The following ICA1 variants were observed in gnomAD, a reference collection of about 807,000 sequenced individuals.
ICA1 encodes the protein 69 kDa islet cell autoantigen.
ICA1 carries 40 observed loss-of-function variants against 71.0 expected under a neutral mutation model. The ratio of observed to expected loss-of-function variants is 0.56; its 90% CI spans 0.44 to 0.73. ICA1 has a LOEUF of 0.73. Among genes scored for constraint, ICA1 ranks in the 30% least tolerant of loss-of-function variants. The probability of loss-of-function intolerance (pLI) is 0.00; values close to 1 mark genes in which losing one functional copy is unlikely to be tolerated. For missense variants in ICA1, 578 were observed against 576.5 expected, an observed-to-expected ratio of 1.00 and a Z score of -0.03; for synonymous variants, 207 against 209.5, an observed-to-expected ratio of 0.99 and a Z score of 0.10.
At chr7:8,165,355 G>T (rs1390772406) in intron 6 of ICA1, among the ~76,000 whole-genome samples, 1 of 152,230 alleles carries the variant, frequency 6.6e-6, no homozygotes, top group Non-Finnish European at 1.5e-5. Flanking sequence ...ACACATGTGT[G>T]TGGGCAGCCA....
chr7:8,199,443 G>A (rs1190644573), intron 6 of ICA1, among the ~76,000 whole-genome samples: 1 of 152,212 alleles, frequency 6.6e-6, no homozygotes, highest in Non-Finnish European at 1.5e-5. Flanking sequence ...AGGCATGGTG[G>A]CTCACGCCTG....
intron 6 of ICA1, among the ~76,000 whole-genome samples, chr7:8,195,993 ACAACAACAC>A (rs1201422335): frequency 9.0e-5 from 11 of 122,572 alleles, no homozygotes; most frequent in East Asian, 7.3e-4. Flanking sequence ...AACAACAACA[ACAACAACAC>A]CAACACCAAC....
chr7:8,227,771 G>C (rs768487295), intron 4 of ICA1: 5 of 419,068 alleles, frequency 1.2e-5, no homozygotes, highest in Non-Finnish European at 2.4e-5. Context: ...TTTTTGTAGA[G>C]ATGGGGGTCT....
chr7:8,155,764 T>TTTACC (rs1314965772), intron 8 of ICA1, among the ~76,000 whole-genome samples: 1 of 152,140 alleles, frequency 6.6e-6, no homozygotes, highest in Admixed American at 6.5e-5. Flanking sequence ...TAGTGTGCAT[T>TTTACC]ATACTTTTAA....
chr7:8,176,191 G>A (rs1780578730), intron 6 of ICA1, among the ~76,000 whole-genome samples: 1 of 152,178 alleles, frequency 6.6e-6, no homozygotes, highest in Admixed American at 6.5e-5. Context: ...TAGTCCAGAG[G>A]TCTCCTTTCC....
At chr7:8,205,518 T>C (rs1293792171) in intron 6 of ICA1, among the ~76,000 whole-genome samples, 1 of 152,202 alleles carries the variant, frequency 6.6e-6, no homozygotes, top group African/African-American at 2.4e-5. Context: ...AGAATCTGCA[T>C]GTGTTTCCAT....
intron 3 of ICA1, among the ~76,000 whole-genome samples, chr7:8,230,686 G>T (rs73675121): frequency 6.6e-6 from 1 of 152,024 alleles, no homozygotes; most frequent in South Asian, 2.1e-4. Context: ...AAAATACTAT[G>T]AGATATAAAA....
At chr7:8,172,148 TTC>T (rs1390758338) in intron 6 of ICA1, among the ~76,000 whole-genome samples, 2 of 152,052 alleles carry the variant, frequency 1.3e-5, no homozygotes, top group African/African-American at 4.8e-5. Flanking sequence ...CCTTATTGAT[TTC>T]TGTCTATTTC....
At chr7:8,151,927 G>A in intron 8 of ICA1, among the ~76,000 whole-genome samples, 1 of 152,328 alleles carries the variant, frequency 6.6e-6, no homozygotes, top group East Asian at 1.9e-4. Flanking sequence ...CATGTTCAGA[G>A]TTACGTTTTC....
Position 8,223,016 on chromosome 7 carries a change from T to C in ICA1, c.257-1618A>G, listed in dbSNP as rs915213061. Among the ~76,000 whole-genome samples, 3 of 152,256 alleles carry C rather than the reference T, an allele frequency of 2.0e-5. No individual in the cohort carries two copies. The highest frequency in any genetic ancestry group is 4.4e-5 in the Non-Finnish European group (3 of 68,046). On this transcript the variant is annotated intron_variant, in intron 4 of 13. Coordinates refer to ENST00000402384, the MANE Select transcript of ICA1 (RefSeq NM_001136020.3). The surrounding 1 kb of genome is among the most constrained non-coding windows in gnomAD (Gnocchi z 4.1). ...CTACAATTTTGCCTTGTTATCCTCATACACTTTATTTCAGTTGAAATACTT... is the reference window on the plus strand; with the variant it reads ...CTACAATTTTGCCTTGTTATCCTCACACACTTTATTTCAGTTGAAATACTT...
At chr7:8,178,441 T>C (rs1781242571) in intron 6 of ICA1, among the ~76,000 whole-genome samples, 1 of 152,222 alleles carries the variant, frequency 6.6e-6, no homozygotes. Context: ...GCCCCAGTAC[T>C]GATAGTAGGT....
intron 6 of ICA1, among the ~76,000 whole-genome samples, chr7:8,190,165 C>T (rs1562924197): frequency 6.6e-6 from 1 of 151,348 alleles, no homozygotes; most frequent in Non-Finnish European, 1.5e-5. Flanking sequence ...AACAGGGTAG[C>T]TTATACACAG....
chr7:8,116,212 G>C (rs1012989041), intron 13 of ICA1: 4 of 152,210 alleles, frequency 2.6e-5, no homozygotes, highest in African/African-American at 9.7e-5. Flanking sequence ...TGTCATTTCA[G>C]AGAGACAAAA....
chr7:8,221,192 C>CT (rs1491173655), intron 5 of ICA1, 83 bp downstream of exon 5: 10 of 1,560,466 alleles, frequency 6.4e-6, no homozygotes, highest in Non-Finnish European at 7.9e-6. Context: ...CTAAAGAACA[C>CT]TGTGAGATTC....
chr7:8,113,826 A>T lies in ICA1; in HGVS notation c.*97T>A. The T allele has an allele frequency of 7.7e-7, 1 of 1,295,960 alleles. No individual in the cohort carries two copies. Among genetic ancestry groups the T allele is most frequent in the Non-Finnish European group, 1.1e-6 (1 of 904,718 alleles). 80.3% of individuals were successfully genotyped at this position (1,295,960 alleles called of 1,614,324 possible). A position where few individuals can be genotyped will look rare whatever the true frequency, so the allele number is the denominator to read the frequency against. ...CTTTCATTTTATTAAAATGGCACAT[A>T]ATTATTAAAACAGCATACTGATCAC... On this transcript the variant is annotated 3_prime_UTR_variant, in exon 14 of 14. Coordinates refer to ENST00000402384, the MANE Select transcript of ICA1 (RefSeq NM_001136020.3). This position sits in a 1 kb window ranked among gnomAD's most constrained non-coding sequence, Gnocchi z 4.2.
chr7:8,124,382 G>A (rs1423680496), intron 13 of ICA1, among the ~76,000 whole-genome samples: 2 of 151,138 alleles, frequency 1.3e-5, no homozygotes, highest in Non-Finnish European at 2.9e-5. Flanking sequence ...GCCTCCCAAA[G>A]TGCTGGGATT....
intron 5 of ICA1, chr7:8,218,722 A>G (rs1279312028): frequency 7.0e-6 from 4 of 568,646 alleles, no homozygotes; most frequent in African/African-American, 1.9e-5. Flanking sequence ...GTTTACTGCT[A>G]CTAACTGGAC....
At chr7:8,187,767 T>C (rs189387224) in intron 6 of ICA1, among the ~76,000 whole-genome samples, 1 of 152,236 alleles carries the variant, frequency 6.6e-6, no homozygotes, top group Non-Finnish European at 1.5e-5. Flanking sequence ...TTTTCACTTT[T>C]TAAACTTCTT....
intron 8 of ICA1, among the ~76,000 whole-genome samples, chr7:8,150,473 C>A (rs924164982): frequency 1.3e-5 from 2 of 152,248 alleles, no homozygotes; most frequent in African/African-American, 4.8e-5. Flanking sequence ...ACCTTGTATT[C>A]CTGCTTTCCT....
Sources: allele counts gnomAD v4.1 joint callset (sites outside exome capture counted in the v4.1 genomes callset), GRCh38; gene constraint gnomAD v4.1.1; non-coding constraint Gnocchi (gnomAD v3.1); transcripts MANE v1.5; gene names NCBI Gene and HGNC (gene_info 2026-07-23, HGNC 2026-07-21).